The following SWAP70 variants were observed in gnomAD, a reference collection of about 807,000 sequenced individuals.
The protein encoded by SWAP70 is switching B cell complex subunit SWAP70.
Under a neutral mutation model 80.2 loss-of-function variants are expected in SWAP70, and 34 were observed. That is an observed-to-expected ratio of 0.42 (90% CI 0.32 to 0.56). SWAP70 has a LOEUF of 0.56. Among genes scored for constraint, SWAP70 ranks in the 20% least tolerant of loss-of-function variants. The pLI is 0.09. For missense variants in SWAP70, 578 were observed against 690.7 expected (o/e 0.84, Z 1.83); for synonymous variants, 239 against 238.5 (o/e 1.00, Z -0.02).
At chr11:9,699,430 TGTG>T (rs1201543202) in intron 2 of SWAP70, among the ~76,000 whole-genome samples, 4 of 152,224 alleles carry the variant, frequency 2.6e-5, no homozygotes, top group Non-Finnish European at 4.4e-5. Flanking sequence ...GTAGCTTATT[TGTG>T]TTCTATAGTT....
intron 6 of SWAP70, among the ~76,000 whole-genome samples, chr11:9,730,950 G>A (rs958785983): frequency 3.9e-5 from 6 of 152,132 alleles, no homozygotes; most frequent in African/African-American, 1.4e-4. Flanking sequence ...CGTCCCAGTA[G>A]TCCCTAGTGT....
rs763091843 is a variant in SWAP70 at position 9,698,186 on chromosome 11, C to T, written c.240+3900C>T. On this transcript the variant is annotated intron_variant, in intron 2 of 11. Coordinates refer to ENST00000318950, the MANE Select transcript of SWAP70 (RefSeq NM_015055.4). ...CATGATCTCAGCTCACTGCATCCTC[C>T]GCCTCCTGGGTTCAAGCAATTTTCT... Among the ~76,000 whole-genome samples, 9 of 149,698 alleles carry T rather than the reference C, an allele frequency of 6.0e-5. No homozygotes were observed. The South Asian group carries it at 1.1e-3, about 18-fold the overall frequency.
chr11:9,730,088 T>A (rs373780751), intron 6 of SWAP70, among the ~76,000 whole-genome samples: 2 of 152,286 alleles, frequency 1.3e-5, no homozygotes, highest in East Asian at 3.9e-4. Context: ...TGTTAGGTAA[T>A]TTCTCATCCC....
intron 2 of SWAP70, among the ~76,000 whole-genome samples, chr11:9,701,231 G>A (rs183249339): frequency 2.1e-4 from 32 of 151,670 alleles, no homozygotes; most frequent in African/African-American, 6.3e-4. Context: ...GAGTGTGATG[G>A]TGGAATCTTG....
At chr11:9,733,448 C>T (rs2133811468) in intron 7 of SWAP70, among the ~76,000 whole-genome samples, 1 of 152,280 alleles carries the variant, frequency 6.6e-6, no homozygotes, top group East Asian at 1.9e-4. Context: ...ACTCTACATA[C>T]CTAGTGGGGT....
chr11:9,749,062 A>C (rs1315545759), intron 10 of SWAP70, 25 bp from the exon 11 acceptor site: 1 of 1,539,510 alleles, frequency 6.5e-7, no homozygotes, highest in Non-Finnish European at 9.0e-7. Flanking sequence ...GTGTCTGCAT[A>C]GTCCAAAATC....
chr11:9,727,570 C>T (rs1851241971), intron 4 of SWAP70, among the ~76,000 whole-genome samples: 2 of 152,098 alleles, frequency 1.3e-5, no homozygotes, highest in South Asian at 4.1e-4. Flanking sequence ...GGGGTTCATT[C>T]TTTCTTTTTA....
chr11:9,750,448 AT>A lies in SWAP70; in HGVS notation c.*481del, dbSNP rs1052064706. 1 of 152,142 alleles carries A rather than the reference AT, an allele frequency of 6.6e-6. No homozygotes were observed. Among genetic ancestry groups the A allele is most frequent in the Non-Finnish European group, 1.5e-5 (1 of 68,044 alleles). The allele number at this position is 152,142 out of a possible 1,614,324, so 9.4% of individuals were successfully genotyped here. A position where few individuals can be genotyped will look rare whatever the true frequency, so the allele number is the denominator to read the frequency against. ...GTCAGTATCCTAAGGAAGCCTTCTT[AT>A]TTATCTTCCTGCAAACAAGGGTTAC... On this transcript the variant is annotated 3_prime_UTR_variant, in exon 12 of 12. Coordinates refer to ENST00000318950, the MANE Select transcript of SWAP70 (RefSeq NM_015055.4).
chr11:9,746,029 G>C (rs1341607728), intron 9 of SWAP70, among the ~76,000 whole-genome samples: 1 of 152,166 alleles, frequency 6.6e-6, no homozygotes, highest in Non-Finnish European at 1.5e-5. Context: ...TTGGTACCAG[G>C]CATCAGCAGT....
chr11:9,672,195 C>CTATATATATATATATATA lies in SWAP70; in HGVS notation c.99+7933_99+7950dup, dbSNP rs57590750. 4.3e-4 allele frequency among the ~76,000 whole-genome samples: 34 copies of CTATATATATATATATATA among 78,426 alleles called. 3 individuals carry two copies. The highest frequency in any genetic ancestry group is 6.5e-4 in the Non-Finnish European group (28 of 43,080). The allele number at this position is 78,426 out of a possible 152,430, so 51.5% of individuals were successfully genotyped here. A position where few individuals can be genotyped will look rare whatever the true frequency, so the allele number is the denominator to read the frequency against. On this transcript the variant is annotated intron_variant, in intron 1 of 11. Transcript: ENST00000318950. ...TATATATATACATATATGTGTGTGT[C>CTATATATATATATATATA]TATATATATATATATATATATATAT...
intron 2 of SWAP70, among the ~76,000 whole-genome samples, chr11:9,701,468 G>A (rs561270090): frequency 2.0e-5 from 3 of 151,722 alleles, no homozygotes; most frequent in Admixed American, 6.6e-5. Flanking sequence ...CACTGTGCCC[G>A]GCCCCAAATG....
chr11:9,713,679 G>T (rs1019263198), intron 3 of SWAP70, 40 bp downstream of exon 3: 1 of 1,576,976 alleles, frequency 6.3e-7, no homozygotes, highest in East Asian at 2.2e-5. Context: ...GGTCATTTTA[G>T]CATTTAATAG....
intron 2 of SWAP70, among the ~76,000 whole-genome samples, chr11:9,695,419 G>A (rs182383142): frequency 0.011 from 1,648 of 152,098 alleles, 10 homozygotes; most frequent in Non-Finnish European, 0.017. Context: ...GTACATATAC[G>A]CCATGGAATA....
intron 2 of SWAP70, among the ~76,000 whole-genome samples, chr11:9,698,103 T>G (rs938482243): frequency 6.8e-6 from 1 of 146,102 alleles, no homozygotes; most frequent in African/African-American, 2.5e-5. Flanking sequence ...GTTTTTTGTT[T>G]TTTTTTTTTT....
At chr11:9,698,771 T>C (rs1246303772) in intron 2 of SWAP70, among the ~76,000 whole-genome samples, 2 of 152,172 alleles carry the variant, frequency 1.3e-5, no homozygotes, top group Admixed American at 1.3e-4. Context: ...TGCTTTTTTC[T>C]TTTCTTCATA....
At chr11:9,671,822 A>G (rs1271958767) in intron 1 of SWAP70, among the ~76,000 whole-genome samples, 92 of 103,150 alleles carry the variant, frequency 8.9e-4, no homozygotes, top group South Asian at 1.2e-3. Context: ...ATATATAAAT[A>G]TATAATATAA....
In SWAP70 at chr11:9,710,657, C is replaced by G. The variant is rs573281745; in HGVS notation, c.241-2809C>G. 5.3e-4 allele frequency among the ~76,000 whole-genome samples: 75 copies of G among 141,210 alleles called. No homozygotes were observed. The East Asian group carries it at 0.011, about 20-fold the overall frequency. 92.6% of individuals were successfully genotyped at this position (141,210 alleles called of 152,430 possible). On this transcript the variant is annotated intron_variant, in intron 2 of 11. Transcript: ENST00000318950. ...TCTTCCATGTTATTCCAGGATATGG[C>G]TTTTTTTTTTTTAATTTTCAAAAAA...
chr11:9,736,953 C>T (rs553673182), intron 7 of SWAP70, among the ~76,000 whole-genome samples: 12 of 152,214 alleles, frequency 7.9e-5, no homozygotes, highest in Non-Finnish European at 1.2e-4. Context: ...TGGCTCACAC[C>T]TGTTAATCAC....
intron 1 of SWAP70, among the ~76,000 whole-genome samples, chr11:9,687,782 G>GA (rs1210163484): frequency 6.6e-6 from 1 of 152,140 alleles, no homozygotes; most frequent in East Asian, 1.9e-4. Flanking sequence ...GATGCAGAAG[G>GA]AAAATATTTA....
Sources: allele counts gnomAD v4.1 joint callset (sites outside exome capture counted in the v4.1 genomes callset), GRCh38; gene constraint gnomAD v4.1.1; transcripts MANE v1.5; gene names NCBI Gene and HGNC (gene_info 2026-07-23, HGNC 2026-07-21).